Variants in HUS1 observed in about 807,000 individuals in gnomAD.
HUS1 encodes the protein checkpoint protein HUS1.
HUS1 carries 31 observed loss-of-function variants against 32.6 expected under a neutral mutation model. The ratio of observed to expected loss-of-function variants is 0.95; its 90% CI spans 0.72 to 1.28. The LOEUF (loss-of-function observed/expected upper bound fraction) is 1.28. Ranked by LOEUF, HUS1 falls within the 50% of genes most tolerant of loss-of-function variation. The pLI is 0.00. For missense variants in HUS1, 340 were observed against 337.7 expected (o/e 1.01, Z -0.05); for synonymous variants, 123 against 116.6 (o/e 1.06, Z -0.36).
At chr7:47,969,476 GAAGAT>G (rs1788550890) in intron 5 of HUS1, among the ~76,000 whole-genome samples, 158 bp from the exon 6 acceptor site, 1 of 152,204 alleles carries the variant, frequency 6.6e-6, no homozygotes, top group African/African-American at 2.4e-5. Context: ...GGGAAAGTGA[GAAGAT>G]AAGGCCCAAG....
At chr7:47,979,285 ACCCGCCCCGCGCCCT>A (rs1398398101) in intron 1 of HUS1, 168 bp downstream of exon 1, 2 of 446,966 alleles carry the variant, frequency 4.5e-6, no homozygotes, top group African/African-American at 2.1e-5. Context: ...GTGCCCTCCG[ACCCGCCCCGCGCCCT>A]CCCGGCCCCA....
At chr7:47,973,844 GAACA>G (rs1282686509) in intron 5 of HUS1, among the ~76,000 whole-genome samples, 3 of 152,068 alleles carry the variant, frequency 2.0e-5, no homozygotes, top group Non-Finnish European at 2.9e-5. Context: ...TGAACAGAAA[GAACA>G]AACAAATGCC....
chr7:47,969,467 G>A, intron 5 of HUS1, 149 bp from the exon 6 acceptor site: 1 of 602,484 alleles, frequency 1.7e-6, no homozygotes, highest in Non-Finnish European at 2.9e-6. Flanking sequence ...GTGCTATCAG[G>A]GAAAGTGAGA....
At chr7:47,979,255 A>C (rs1438252758) in intron 1 of HUS1, among the ~76,000 whole-genome samples, 3 of 151,902 alleles carry the variant, frequency 2.0e-5, no homozygotes, top group African/African-American at 4.8e-5. Context: ...GTCCCTTGAA[A>C]GCCGCCTTCA....
At chr7:47,967,476 G>C (rs1273105442) in intron 7 of HUS1, among the ~76,000 whole-genome samples, 1 of 152,214 alleles carries the variant, frequency 6.6e-6, no homozygotes, top group African/African-American at 2.4e-5. Context: ...CATGGAGAAG[G>C]TGGGATGATC....
chr7:47,977,875 TAG>T (rs931786640), intron 3 of HUS1, among the ~76,000 whole-genome samples: 1 of 152,016 alleles, frequency 6.6e-6, no homozygotes, highest in African/African-American at 2.4e-5. Flanking sequence ...GCCTGGGTGA[TAG>T]AGAGACTCCG....
Position 47,979,489 on chromosome 7 carries a change from C to G in HUS1, c.31G>C (p.Ala11Pro), listed in dbSNP as rs1413572646. Residue 11 changes from alanine to proline, a missense_variant, in exon 1 of 8, where the codon GCC becomes CCC. Coordinates refer to ENST00000258774, the MANE Select transcript of HUS1 (RefSeq NM_004507.4). Reference sequence around the variant, plus strand: ...TCACGTGTGAAGTGGTTCAGACAGGCCCCGTCCACGATCTTGGCCCGAAAC... The same window carrying G: ...TCACGTGTGAAGTGGTTCAGACAGGGCCCGTCCACGATCTTGGCCCGAAAC... MKFRAKIVDG[A>P]CLNHFTRISN... The G allele has an allele frequency of 9.9e-6, 16 of 1,613,196 alleles. No individual in the cohort carries two copies. The highest frequency in any genetic ancestry group is 1.4e-5 in the Non-Finnish European group (16 of 1,179,940).
Position 47,978,377 on chromosome 7 carries a change from C to G in HUS1, c.357+40G>C, listed in dbSNP as rs768514185. ...GCTAACTATGTCTATTCCTTCGAGG[C>G]CAAGACTTCTGTGTTAGAAACCCTG... On this transcript the variant is annotated intron_variant, in intron 3 of 7. Coordinates refer to ENST00000258774, the MANE Select transcript of HUS1 (RefSeq NM_004507.4). 5.1e-6 allele frequency: 8 copies of G among 1,568,746 alleles called. No individual in the cohort carries two copies. In the African/African-American group the frequency reaches 1.1e-4, roughly 21 times the overall value.
rs1788763456 is a variant in HUS1, at chr7:47,978,748, AG to A, written c.120del (p.Phe41SerfsTer12). The stretch of plus-strand genomic sequence containing the variant: ...TTAGCCAGCTTGTCACAAAGGATGA[AG>A]TTAAGCTTATCAGGGCTGATGCGGA... ...CTLRISPDKL[N>X]FILCDKLANG... On this transcript the variant is annotated frameshift_variant, in exon 2 of 8. Coordinates refer to ENST00000258774, the MANE Select transcript of HUS1 (RefSeq NM_004507.4). LOFTEE classifies it high-confidence loss of function. The A allele has an allele frequency of 6.2e-7, 1 of 1,614,226 alleles. No individual in the cohort carries two copies. The highest frequency in any genetic ancestry group is 2.2e-5 in the East Asian group (1 of 44,890).
At chr7:47,971,915 C>CA (rs1201627734) in intron 5 of HUS1, among the ~76,000 whole-genome samples, 5 of 152,128 alleles carry the variant, frequency 3.3e-5, no homozygotes, top group Admixed American at 6.5e-5. Flanking sequence ...ATTCCAGAAA[C>CA]AAAGTTTTTC....
chr7:47,971,118 GA>G (rs1278126495), intron 5 of HUS1: 3 of 166,438 alleles, frequency 1.8e-5, no homozygotes, highest in Non-Finnish European at 3.9e-5. Context: ...CAGGAAGGGG[GA>G]AAATGAGAAG....
In HUS1 at chr7:47,979,450, T is replaced by C; in HGVS notation, c.52+18A>G. The C allele has an allele frequency of 6.2e-7, 1 of 1,613,272 alleles. No individual in the cohort carries two copies. Among genetic ancestry groups the C allele is most frequent in the Non-Finnish European group, 8.5e-7 (1 of 1,179,816 alleles). ...TCCTTCCGTTCCTCCCTCGCTCCTC[T>C]CCGGCCTCCCTGCTCACGTGTGAAG... On this transcript the variant is annotated intron_variant, in intron 1 of 7. Transcript: ENST00000258774.
rs774639525 is a variant in HUS1 at position 47,965,385 on chromosome 7, G to A, written c.814C>T (p.Leu272Phe). ...HFDLLHEDVS[L>F]QYFIPALS ...GACAGCGCAGGGATGAAATACTGAA[G>A]GGACACGTCTTCATGAAGCAGATCA... Residue 272 changes from leucine (L) to phenylalanine (F), a missense_variant, in exon 8 of 8, where the codon CTT becomes TTT. By Grantham distance (22) the Leu-to-Phe change is conservative. Coordinates refer to ENST00000258774, the MANE Select transcript of HUS1 (RefSeq NM_004507.4). The A allele has an allele frequency of 1.9e-6, 3 of 1,613,300 alleles. No individual in the cohort carries two copies. The highest frequency in any genetic ancestry group is 2.5e-6 in the Non-Finnish European group (3 of 1,179,394).
chr7:47,970,380 CAT>C (rs1183288318), intron 5 of HUS1, among the ~76,000 whole-genome samples: 1 of 150,638 alleles, frequency 6.6e-6, no homozygotes, highest in Non-Finnish European at 1.5e-5. Context: ...TAATTAGAAA[CAT>C]AAGGAAAAAT....
At position 47,979,275 on chromosome 7, in the gene HUS1, G is replaced by C. The variant is rs1044506799; in HGVS notation, c.52+193C>G. The C allele has an allele frequency of 5.0e-6, 3 of 595,624 alleles. No homozygotes were observed. The African/African-American group carries it at 5.7e-5, about 11-fold the overall frequency. 36.9% of individuals were successfully genotyped at this position (595,624 alleles called of 1,614,324 possible). ...TTGAAAGCCGCCTTCATCCCCACAA[G>C]TGCCCTCCGACCCGCCCCGCGCCCT... On this transcript the variant is annotated intron_variant, in intron 1 of 7. Transcript: ENST00000258774.
intron 7 of HUS1, 130 bp from the exon 8 acceptor site, chr7:47,965,568 G>C: frequency 1.6e-6 from 1 of 639,222 alleles, no homozygotes; most frequent in Non-Finnish European, 2.8e-6. Context: ...GGCAGCTGCA[G>C]AGACCACAGT....
intron 7 of HUS1, among the ~76,000 whole-genome samples, chr7:47,967,142 A>G (rs1373877145): frequency 6.6e-6 from 1 of 152,184 alleles, no homozygotes; most frequent in East Asian, 1.9e-4. Context: ...AAAACGTGGA[A>G]CTTCAAATCC....
At chr7:47,973,633 A>G (rs1283756893) in intron 5 of HUS1, among the ~76,000 whole-genome samples, 1 of 152,222 alleles carries the variant, frequency 6.6e-6, no homozygotes, top group Non-Finnish European at 1.5e-5. Flanking sequence ...ATATTCAGAT[A>G]CAGAATTCTG....
chr7:47,967,453 C>CA (rs1246506612), intron 7 of HUS1, among the ~76,000 whole-genome samples: 1 of 151,926 alleles, frequency 6.6e-6, no homozygotes, highest in Non-Finnish European at 1.5e-5. Flanking sequence ...CTGAGCAGGT[C>CA]AAATTAGATG....
Sources: allele counts gnomAD v4.1 joint callset (sites outside exome capture counted in the v4.1 genomes callset), GRCh38; gene constraint gnomAD v4.1.1; transcripts MANE v1.5; gene names NCBI Gene and HGNC (gene_info 2026-07-23, HGNC 2026-07-21).